CDK18: variants seen among roughly 807,000 people sequenced by gnomAD.
CDK18 encodes cyclin-dependent kinase 18.
Under a neutral mutation model 62.0 loss-of-function variants are expected in CDK18, and 52 were observed. That is an observed-to-expected ratio of 0.84 (90% CI 0.67 to 1.06). The LOEUF is 1.06. Ranked by LOEUF, CDK18 falls within the 50% of genes least tolerant of loss-of-function variation. CDK18 has a pLI of 0.00. For missense variants in CDK18, 604 were observed against 619.9 expected, an observed-to-expected ratio of 0.97 and a Z score of 0.27; for synonymous variants, 237 against 247.0, an observed-to-expected ratio of 0.96 and a Z score of 0.38.
At chr1:205,529,901 G>C (rs1420092595) in intron 13 of CDK18, 2 of 1,363,842 alleles carry the variant, frequency 1.5e-6, no homozygotes, top group African/African-American at 2.9e-5. Flanking sequence ...CACTTAGTGT[G>C]GTGCCTGTCT....
At chr1:205,507,138 C>G (rs1430120961) in intron 1 of CDK18, among the ~76,000 whole-genome samples, 1 of 152,206 alleles carries the variant, frequency 6.6e-6, no homozygotes, top group Non-Finnish European at 1.5e-5. Context: ...TGTCCAGCAT[C>G]TCCATCTACC....
chr1:205,526,905 C>G (rs1668463545), intron 8 of CDK18, 68 bp downstream of exon 8: 1 of 1,263,392 alleles, frequency 7.9e-7, no homozygotes, highest in African/African-American at 1.5e-5. Flanking sequence ...TGTGGGGACC[C>G]ACTCTCACCA....
chr1:205,505,091 C>T lies in CDK18; in HGVS notation c.-22+295C>T, dbSNP rs1297138386. Among the ~76,000 whole-genome samples, 3 of 152,058 alleles carry T rather than the reference C, an allele frequency of 2.0e-5. No homozygotes were observed. In the East Asian group the frequency reaches 5.8e-4, roughly 29 times the overall value. On this transcript the variant is annotated intron_variant, in intron 1 of 15. Coordinates refer to ENST00000429964, the MANE Select transcript of CDK18 (RefSeq NM_212502.3). ...AGGGTTATTTTGCAATCTCAGACCC[C>T]GCGCCCCCTTAGGGAGTCTCCATCT... is the stretch of plus-strand genomic sequence containing the variant.
intron 5 of CDK18, 77 bp downstream of exon 5, chr1:205,525,272 CCT>C (rs1332050144): frequency 4.6e-5 from 49 of 1,060,778 alleles, no homozygotes; most frequent in Non-Finnish European, 6.6e-5. Context: ...CCTAGTCGGC[CCT>C]CTCTGGTCGG....
rs944272647 is a variant in CDK18, at chr1:205,531,442, T to C, written c.*64T>C. 6 of 1,489,578 alleles carry C rather than the reference T, an allele frequency of 4.0e-6. No individual in the cohort carries two copies. In the African/African-American group the frequency reaches 5.5e-5, roughly 14 times the overall value. The allele number at this position is 1,489,578 out of a possible 1,614,324, so 92.3% of individuals were successfully genotyped here. A position where few individuals can be genotyped will look rare whatever the true frequency, so the allele number is the denominator to read the frequency against. On this transcript the variant is annotated 3_prime_UTR_variant, in exon 16 of 16. Transcript: ENST00000429964. Reference sequence around the variant, plus strand: ...ACATGGAGCACAAATTCGGGTAGGATGGAGCCTGTGTGGCCCTCGGAGGAC... The same window carrying C: ...ACATGGAGCACAAATTCGGGTAGGACGGAGCCTGTGTGGCCCTCGGAGGAC...
At chr1:205,529,168 G>C (rs1668599454) in intron 11 of CDK18, 72 bp downstream of exon 11, 4 of 1,422,482 alleles carry the variant, frequency 2.8e-6, no homozygotes, top group Non-Finnish European at 3.9e-6. Flanking sequence ...GGCGCGGAGC[G>C]GGACGGGGAG....
chr1:205,527,780 TC>T lies in CDK18; in HGVS notation c.730-9del, dbSNP rs1383212485. ...GCCACCTTCCACCCCACATTTCTCT[TC>T]CCCCTCCCCCAGATTTTCATGTTCC... is the stretch of plus-strand genomic sequence containing the variant. On this transcript the variant is annotated splice_polypyrimidine_tract_variant and intron_variant, in intron 8 of 15. Coordinates refer to ENST00000429964, the MANE Select transcript of CDK18 (RefSeq NM_212502.3). This position sits in a 1 kb window ranked among gnomAD's most constrained non-coding sequence, Gnocchi z 4.1. 31 of 1,613,088 alleles carry T rather than the reference TC, an allele frequency of 1.9e-5. No homozygotes were observed. The highest frequency in any genetic ancestry group is 2.5e-5 in the Non-Finnish European group (29 of 1,179,478).
At chr1:205,518,981 C>T (rs1441712178) in intron 1 of CDK18, among the ~76,000 whole-genome samples, 1 of 152,186 alleles carries the variant, frequency 6.6e-6, no homozygotes, top group Non-Finnish European at 1.5e-5. Context: ...TCTGCTCCTT[C>T]AACTTCCTCC....
At chr1:205,529,702 C>G (rs1038472167) in intron 13 of CDK18, 139 bp downstream of exon 13, 5 of 1,547,096 alleles carry the variant, frequency 3.2e-6, no homozygotes, top group Non-Finnish European at 3.5e-6. Context: ...CTCTCCACCC[C>G]CAAGGCCAAG....
At chr1:205,507,471 A>G (rs1667361670) in intron 1 of CDK18, among the ~76,000 whole-genome samples, 2 of 149,860 alleles carry the variant, frequency 1.3e-5, no homozygotes, top group Admixed American at 6.7e-5. Flanking sequence ...CTCTACTGAA[A>G]AAAAAAAAAA....
At chr1:205,522,566 G>C (rs1668188919) in intron 1 of CDK18, 1 of 152,432 alleles carries the variant, frequency 6.6e-6, no homozygotes, top group East Asian at 1.9e-4. Flanking sequence ...TCAGGTGTCA[G>C]TATCAGAGGT....
rs1668572673 is a variant in CDK18, at chr1:205,528,794, GAGCCCAGGGA to G, written c.975-199_975-190del. The G allele has an allele frequency of 4.3e-6, 2 of 465,146 alleles. No homozygotes were observed. Among genetic ancestry groups the G allele is most frequent in the South Asian group, 1.0e-4 (2 of 19,846 alleles). 28.8% of individuals were successfully genotyped at this position (465,146 alleles called of 1,614,324 possible). On this transcript the variant is annotated intron_variant, in intron 10 of 15. Coordinates refer to ENST00000429964, the MANE Select transcript of CDK18 (RefSeq NM_212502.3). The surrounding 1 kb of genome is among the most constrained non-coding windows in gnomAD (Gnocchi z 4.2). ...ACAGAGTGAAAGTCGCAGCTTTCCCGAGCCCAGGGAAGCCCCCCAGAGAGGGGCTGTAGTG... is the reference window on the plus strand; with the variant it reads ...ACAGAGTGAAAGTCGCAGCTTTCCCGAGCCCCCCAGAGAGGGGCTGTAGTG...
chr1:205,527,957 G>A lies in CDK18; in HGVS notation c.853+40G>A, dbSNP rs749061129. 2.7e-5 allele frequency: 44 copies of A among 1,613,164 alleles called. No individual in the cohort carries two copies. The highest frequency in any genetic ancestry group is 2.3e-5 in the Non-Finnish European group (27 of 1,179,364). On this transcript the variant is annotated intron_variant, in intron 9 of 15. Transcript: ENST00000429964. This position sits in a 1 kb window ranked among gnomAD's most constrained non-coding sequence, Gnocchi z 4.1. ...AGGGTGGGGGTCTGACGCTACTGGG[G>A]TGCCTCAGGGTGTGGGTGCAGTGGG...
chr1:205,505,245 C>T (rs1479006285), intron 1 of CDK18, among the ~76,000 whole-genome samples: 1 of 152,122 alleles, frequency 6.6e-6, no homozygotes, highest in Non-Finnish European at 1.5e-5. Flanking sequence ...CTCCAGGGAC[C>T]AAAGGACCCG....
chr1:205,525,960 C>A, intron 5 of CDK18, 105 bp from the exon 6 acceptor site: 1 of 739,022 alleles, frequency 1.4e-6, no homozygotes, highest in Non-Finnish European at 2.3e-6. Context: ...AGGAAGGGCA[C>A]TCAGGCCCCA....
chr1:205,530,067 G>T (rs991675459), intron 13 of CDK18, 192 bp from the exon 14 acceptor site: 1 of 1,427,852 alleles, frequency 7.0e-7, no homozygotes, highest in Non-Finnish European at 9.1e-7. Context: ...GCTGGAGACC[G>T]AGGAGCCTTC....
chr1:205,507,917 A>C (rs146588960), intron 1 of CDK18, among the ~76,000 whole-genome samples: 1 of 152,176 alleles, frequency 6.6e-6, no homozygotes, highest in Admixed American at 6.5e-5. Flanking sequence ...GAAATCTTCC[A>C]GGAGGGGCCA....
chr1:205,521,062 A>G (rs1367295400), intron 1 of CDK18, among the ~76,000 whole-genome samples: 2 of 152,184 alleles, frequency 1.3e-5, no homozygotes, highest in African/African-American at 4.8e-5. Context: ...GGGCTCTGCC[A>G]AGGAAGCCAG....
chr1:205,525,558 TC>T, intron 5 of CDK18, among the ~76,000 whole-genome samples: 1 of 152,308 alleles, frequency 6.6e-6, no homozygotes, highest in East Asian at 1.9e-4. Flanking sequence ...TCTTCCTCTG[TC>T]CAATGAGACA....
Sources: gnomAD v4.1 joint callset for allele counts (sites outside exome capture counted in the v4.1 genomes callset) on GRCh38, gnomAD v4.1.1 for gene constraint, Gnocchi (gnomAD v3.1) non-coding constraint, MANE v1.5 for transcripts, NCBI Gene and HGNC (gene_info 2026-07-23, HGNC 2026-07-21) for gene names.